Variants in NAPEPLD observed in about 807,000 individuals in gnomAD.
NAPEPLD encodes the protein N-acyl-phosphatidylethanolamine-hydrolyzing phospholipase D.
A neutral mutation model predicts 38.1 loss-of-function variants in NAPEPLD; 23 were observed. That is an observed-to-expected ratio of 0.60 (90% CI 0.43 to 0.86). NAPEPLD has a LOEUF of 0.86. NAPEPLD is among the 40% of genes least tolerant of loss of function. The probability of loss-of-function intolerance (pLI) is 0.00; values close to 1 mark genes in which losing one functional copy is unlikely to be tolerated. For synonymous variants in NAPEPLD, 147 were observed against 162.0 expected, an observed-to-expected ratio of 0.91 and a Z score of 0.71; for missense variants, 411 against 476.8, an observed-to-expected ratio of 0.86 and a Z score of 1.28.
At chr7:103,138,453 C>G (rs1810529675) in intron 1 of NAPEPLD, among the ~76,000 whole-genome samples, 1 of 147,806 alleles carries the variant, frequency 6.8e-6, no homozygotes, top group African/African-American at 2.5e-5. Context: ...CCCACTTTGA[C>G]TCTACTGAAT....
intron 2 of NAPEPLD, among the ~76,000 whole-genome samples, chr7:103,125,578 A>G (rs1807585567): frequency 6.6e-6 from 1 of 152,138 alleles, no homozygotes; most frequent in Non-Finnish European, 1.5e-5. Context: ...ACGAGACACA[A>G]GGTTTAAAAA....
Position 103,115,083 on chromosome 7 carries a change from C to G in NAPEPLD, c.1033G>C (p.Gly345Arg), listed in dbSNP as rs746013001. ...QTKKSMAIHW[G>R]TFALANEHYL... ...ACCTCATTTGCTAAGGCAAAAGTTC[C>G]CCAGTGAATTGCCATAGATTTCTTT... is the stretch of plus-strand genomic sequence containing the variant. The change falls in exon 4 of 5, where the codon GGA (glycine) becomes CGA (arginine). Residue 345 changes from glycine (G) to arginine (R), a missense_variant. By Grantham distance (125) the Gly-to-Arg change is moderately radical (BLOSUM62 -2). Transcript: ENST00000465647. 2 of 1,613,446 alleles carry G rather than the reference C, an allele frequency of 1.2e-6. No individual in the cohort carries two copies. Among genetic ancestry groups the G allele is most frequent in the East Asian group, 4.5e-5 (2 of 44,862 alleles).
intron 1 of NAPEPLD, among the ~76,000 whole-genome samples, chr7:103,140,519 A>G (rs892669310): frequency 6.6e-6 from 1 of 150,998 alleles, no homozygotes; most frequent in Non-Finnish European, 1.5e-5. Flanking sequence ...CAGCCTCCCA[A>G]GTGGCTGGGA....
intron 4 of NAPEPLD, among the ~76,000 whole-genome samples, chr7:103,107,499 C>T (rs1803611388): frequency 6.6e-6 from 1 of 151,886 alleles, no homozygotes. Flanking sequence ...AGCTAAGAAC[C>T]TTGAAAAAAG....
At chr7:103,143,937 C>G (rs558188446) in intron 1 of NAPEPLD, among the ~76,000 whole-genome samples, 1 of 152,204 alleles carries the variant, frequency 6.6e-6, no homozygotes, top group Non-Finnish European at 1.5e-5. Context: ...CCTGCCTTGA[C>G]CTCCTAAAGT....
At chr7:103,141,781 C>G (rs1197811304) in intron 1 of NAPEPLD, 1 of 867,266 alleles carries the variant, frequency 1.2e-6, no homozygotes, top group African/African-American at 1.6e-5. Flanking sequence ...CCATCACAGG[C>G]TTGCGGATGA....
chr7:103,140,387 CTTTTTT>C (rs377763676), intron 1 of NAPEPLD, among the ~76,000 whole-genome samples: 27 of 92,634 alleles, frequency 2.9e-4, no homozygotes, highest in South Asian at 4.4e-4. Context: ...TCACAGAACT[CTTTTTT>C]TTTTTTTTTT....
chr7:103,147,772 T>G (rs1021217758), intron 1 of NAPEPLD, among the ~76,000 whole-genome samples: 2 of 152,174 alleles, frequency 1.3e-5, no homozygotes, highest in South Asian at 4.1e-4. Flanking sequence ...TGAGTGAAAA[T>G]AAGGGTATGA....
intron 1 of NAPEPLD, chr7:103,141,489 G>A (rs577116050): frequency 3.1e-5 from 43 of 1,396,360 alleles, no homozygotes; most frequent in East Asian, 3.0e-4. Flanking sequence ...AGCTTCTTGC[G>A]GGCCTTGTCT....
chr7:103,140,429 G>A lies in NAPEPLD; in HGVS notation c.-17+8382C>T, dbSNP rs1358614597. 6.8e-5 allele frequency among the ~76,000 whole-genome samples: 8 copies of A among 116,946 alleles called. No individual in the cohort carries two copies. In the Admixed American group the frequency reaches 1.0e-3, roughly 15 times the overall value. 76.7% of individuals were successfully genotyped at this position (116,946 alleles called of 152,430 possible). On this transcript the variant is annotated intron_variant, in intron 1 of 4. Transcript: ENST00000465647. ...TTTTTTTGAAACAGAGTCTTGCTCA[G>A]TCGCCCAGGCTGGAGTGCAGTGGCG...
chr7:103,134,812 C>T (rs770209635), intron 1 of NAPEPLD, among the ~76,000 whole-genome samples: 12 of 152,076 alleles, frequency 7.9e-5, no homozygotes, highest in Non-Finnish European at 1.3e-4. Context: ...TGTCTCCAAC[C>T]AAAGAGAGGT....
intron 1 of NAPEPLD, among the ~76,000 whole-genome samples, chr7:103,139,510 A>T (rs1193534893): frequency 6.6e-6 from 1 of 152,222 alleles, no homozygotes; most frequent in African/African-American, 2.4e-5. Flanking sequence ...CCACAGTGAC[A>T]GCAAGAGTCC....
intron 1 of NAPEPLD, chr7:103,141,375 A>G: frequency 1.3e-6 from 1 of 796,938 alleles, no homozygotes; most frequent in East Asian, 2.4e-5. Context: ...TCCTCCTTGG[A>G]CAAAGTCTTG....
At chr7:103,124,169 T>A (rs1807272037) in intron 2 of NAPEPLD, among the ~76,000 whole-genome samples, 1 of 151,636 alleles carries the variant, frequency 6.6e-6, no homozygotes, top group African/African-American at 2.4e-5. Context: ...AATTAAAAAA[T>A]AATAATAGAC....
intron 1 of NAPEPLD, among the ~76,000 whole-genome samples, chr7:103,139,790 G>T (rs145162291): frequency 3.7e-4 from 56 of 152,250 alleles, no homozygotes; most frequent in African/African-American, 1.3e-3. Flanking sequence ...CAAGGCCCAG[G>T]ACATGACTAC....
In NAPEPLD at chr7:103,101,159, GTAT is replaced by G. The variant is rs372319463; in HGVS notation, c.*2267_*2269del. 1 of 152,188 alleles carries G rather than the reference GTAT, an allele frequency of 6.6e-6. No individual in the cohort carries two copies. The highest frequency in any genetic ancestry group is 2.4e-5 in the African/African-American group (1 of 41,448). 9.4% of individuals were successfully genotyped at this position (152,188 alleles called of 1,614,324 possible). On this transcript the variant is annotated 3_prime_UTR_variant, in exon 5 of 5. Transcript: ENST00000465647. ...AATATGGCTACAACAACGCTGGCTAGTATTAGGGCAACACACCTCAAAGCTAAC... is the reference window on the plus strand; with the variant it reads ...AATATGGCTACAACAACGCTGGCTAGTAGGGCAACACACCTCAAAGCTAAC...
chr7:103,136,457 C>A (rs897221679), intron 1 of NAPEPLD, among the ~76,000 whole-genome samples: 1 of 151,192 alleles, frequency 6.6e-6, no homozygotes, highest in African/African-American at 2.4e-5. Context: ...TATGGCAGCC[C>A]GAACCTGTAG....
chr7:103,111,679 C>T (rs1309197306), intron 4 of NAPEPLD, among the ~76,000 whole-genome samples: 2 of 152,146 alleles, frequency 1.3e-5, no homozygotes, highest in African/African-American at 2.4e-5. Flanking sequence ...CCAGGCAATA[C>T]CATTCAGGAC....
chr7:103,144,164 T>C (rs1047130228), intron 1 of NAPEPLD, among the ~76,000 whole-genome samples: 7 of 152,248 alleles, frequency 4.6e-5, no homozygotes, highest in Non-Finnish European at 8.8e-5. Context: ...CCATGCTCTT[T>C]CCACTAATCA....
Sources: allele counts gnomAD v4.1 joint callset (sites outside exome capture counted in the v4.1 genomes callset), GRCh38; gene constraint gnomAD v4.1.1; transcripts MANE v1.5; gene names NCBI Gene and HGNC (gene_info 2026-07-23, HGNC 2026-07-21).